TP53INP1: variants seen among roughly 807,000 people sequenced by gnomAD.
TP53INP1 encodes tumor protein p53 inducible nuclear protein 1.
TP53INP1 carries 12 observed loss-of-function variants against 21.0 expected under a neutral mutation model. That is an observed-to-expected ratio of 0.57 (90% CI 0.37 to 0.93). The LOEUF (loss-of-function observed/expected upper bound fraction) is 0.93. Among genes scored for constraint, TP53INP1 ranks in the 40% least tolerant of loss-of-function variants. The pLI is 0.01. For missense variants in TP53INP1, 274 were observed against 294.7 expected, an observed-to-expected ratio of 0.93 and a Z score of 0.51; for synonymous variants, 91 against 94.8, an observed-to-expected ratio of 0.96 and a Z score of 0.23.
chr8:94,941,644 G>A (rs1821545945), intron 1 of TP53INP1, among the ~76,000 whole-genome samples: 1 of 152,214 alleles, frequency 6.6e-6, no homozygotes, highest in South Asian at 2.1e-4. Context: ...AATTTACACT[G>A]TAGGAAACTG....
chr8:94,932,038 A>G (rs372004389), intron 3 of TP53INP1: 80 of 1,600,312 alleles, frequency 5.0e-5, no homozygotes, highest in Non-Finnish European at 6.6e-5. Context: ...ATGCATACAT[A>G]TATCACACAG....
At chr8:94,943,113 G>C (rs1032975778) in intron 1 of TP53INP1, among the ~76,000 whole-genome samples, 1 of 152,304 alleles carries the variant, frequency 6.6e-6, no homozygotes, top group Admixed American at 6.5e-5. Flanking sequence ...GCAGGATATA[G>C]AGCTTTGGAG....
At chr8:94,948,300 C>T (rs1455646642) in intron 1 of TP53INP1, among the ~76,000 whole-genome samples, 2 of 152,092 alleles carry the variant, frequency 1.3e-5, no homozygotes, top group Non-Finnish European at 2.9e-5. Context: ...CTCGGGTTTC[C>T]TATGTGTAAG....
intron 3 of TP53INP1, chr8:94,932,101 C>T (rs966112780): frequency 1.2e-6 from 2 of 1,610,006 alleles, no homozygotes; most frequent in African/African-American, 1.3e-5. Flanking sequence ...AGCAGCTTTT[C>T]CTGGCCCTAC....
In TP53INP1 at chr8:94,928,733, CTCTAA is replaced by C; in HGVS notation, c.*1741_*1745del. 1 of 152,360 alleles carries C rather than the reference CTCTAA, an allele frequency of 6.6e-6. No individual in the cohort carries two copies. Among genetic ancestry groups the C allele is most frequent in the East Asian group, 1.9e-4 (1 of 5,186 alleles). The allele number at this position is 152,360 out of a possible 1,614,324, so 9.4% of individuals were successfully genotyped here. On this transcript the variant is annotated 3_prime_UTR_variant, in exon 4 of 4. Transcript: ENST00000342697. Reference sequence around the variant, plus strand: ...CATTTGACGTCTTCCACTCCAAACGCTCTAATCTAGTCAGAAAAGAGCACAGCTCT... The same window carrying C: ...CATTTGACGTCTTCCACTCCAAACGCTCTAGTCAGAAAAGAGCACAGCTCT...
chr8:94,932,058 GAA>G (rs1820462501), intron 3 of TP53INP1: 1 of 1,607,904 alleles, frequency 6.2e-7, no homozygotes. Flanking sequence ...GTCTCAAAGT[GAA>G]TATACTTACT....
chr8:94,941,354 TAAG>T (rs1248855278), intron 1 of TP53INP1, among the ~76,000 whole-genome samples: 1 of 152,104 alleles, frequency 6.6e-6, no homozygotes, highest in Non-Finnish European at 1.5e-5. Context: ...GCTTTTATAA[TAAG>T]GTGAATTTGA....
At chr8:94,937,636 C>T (rs1821118803) in intron 3 of TP53INP1, among the ~76,000 whole-genome samples, 1 of 152,046 alleles carries the variant, frequency 6.6e-6, no homozygotes, top group South Asian at 2.1e-4. Context: ...TCCCACATCA[C>T]CTCATTTTTT....
At chr8:94,938,862 C>T (rs1250746890) in intron 3 of TP53INP1, among the ~76,000 whole-genome samples, 3 of 152,202 alleles carry the variant, frequency 2.0e-5, no homozygotes, top group African/African-American at 7.2e-5. Flanking sequence ...CACCAGTTTA[C>T]AGCTGGTTGG....
At chr8:94,948,827 C>T (rs1321195493) in intron 1 of TP53INP1, among the ~76,000 whole-genome samples, 1 of 152,052 alleles carries the variant, frequency 6.6e-6, no homozygotes, top group East Asian at 1.9e-4. Context: ...ACAAGCCACG[C>T]TCGGGGGAGG....
At chr8:94,933,765 A>G (rs1247274339) in intron 3 of TP53INP1, among the ~76,000 whole-genome samples, 3 of 149,040 alleles carry the variant, frequency 2.0e-5, no homozygotes, top group African/African-American at 7.5e-5. Flanking sequence ...ACTCTCTCAA[A>G]AAAAACCCCC....
At chr8:94,944,871 T>C (rs981401945) in intron 1 of TP53INP1, among the ~76,000 whole-genome samples, 1 of 152,148 alleles carries the variant, frequency 6.6e-6, no homozygotes, top group African/African-American at 2.4e-5. Context: ...CCCCACAAAC[T>C]TCTAGCACAA....
At chr8:94,943,136 G>T (rs570335384) in intron 1 of TP53INP1, among the ~76,000 whole-genome samples, 4 of 152,170 alleles carry the variant, frequency 2.6e-5, no homozygotes, top group African/African-American at 9.7e-5. Context: ...CAGGAGTGTG[G>T]TCTCAGCTAG....
chr8:94,930,684 A>T lies in TP53INP1; in HGVS notation c.518T>A (p.Val173Asp). ...AGTTGTATGAGCAGCAAGAGCTGCAACATAACAATGAATATGCTGCCCCAT... is the reference window on the plus strand; with the variant it reads ...AGTTGTATGAGCAGCAAGAGCTGCATCATAACAATGAATATGCTGCCCCAT... Reference protein sequence around the residue: ...NEMGQHIHCYVAALAAHTTFL... With the variant: ...NEMGQHIHCYDAALAAHTTFL... Residue 173 changes from valine to aspartate, a missense_variant, in exon 4 of 4, where the codon GTT becomes GAT. Coordinates refer to ENST00000342697, the MANE Select transcript of TP53INP1 (RefSeq NM_033285.4). 6.2e-7 allele frequency: 1 copy of T among 1,614,252 alleles called. No homozygotes were observed. The highest frequency in any genetic ancestry group is 8.5e-7 in the Non-Finnish European group (1 of 1,180,026).
chr8:94,931,845 G>A (rs1405996256), intron 3 of TP53INP1, among the ~76,000 whole-genome samples: 2 of 152,024 alleles, frequency 1.3e-5, no homozygotes, highest in African/African-American at 4.8e-5. Context: ...GGTGATGCAA[G>A]CCTGTAATCC....
intron 2 of TP53INP1, among the ~76,000 whole-genome samples, chr8:94,940,445 CTGTGTGTGTGTG>C (rs60473555): frequency 6.7e-6 from 1 of 150,358 alleles, no homozygotes; most frequent in Non-Finnish European, 1.5e-5. Context: ...CACAGAAATT[CTGTGTGTGTGTG>C]TGTGTGTGTG....
At chr8:94,930,883 G>A (rs1439873566) in intron 3 of TP53INP1, among the ~76,000 whole-genome samples, 155 bp from the exon 4 acceptor site, 1 of 152,192 alleles carries the variant, frequency 6.6e-6, no homozygotes, top group Non-Finnish European at 1.5e-5. Context: ...ATTATTCTGT[G>A]ACCCCACTGA....
At chr8:94,940,369 ATCT>A (rs1821412774) in intron 2 of TP53INP1, 149 bp from the exon 3 acceptor site, 5 of 892,726 alleles carry the variant, frequency 5.6e-6, no homozygotes, top group South Asian at 1.8e-5. Flanking sequence ...ATGCTCACGT[ATCT>A]TCTTTTATTT....
In TP53INP1 at chr8:94,931,896, T is replaced by G. The variant is rs550723222; in HGVS notation, c.474-1168A>C. Among the ~76,000 whole-genome samples the G allele has an allele frequency of 4.5e-3, 679 of 152,164 alleles. 5 individuals are homozygous for G. The highest frequency in any genetic ancestry group is 4.6e-3 in the Non-Finnish European group (315 of 67,986). On this transcript the variant is annotated intron_variant, in intron 3 of 3. Transcript: ENST00000342697. ...CTGAAACAAGAGAATCACTTGAATC[T>G]GGGGGGTGGAGGCTGCTGTGAGCCA...
Sources: gnomAD v4.1 joint callset for allele counts (sites outside exome capture counted in the v4.1 genomes callset) on GRCh38, gnomAD v4.1.1 for gene constraint, MANE v1.5 for transcripts, NCBI Gene and HGNC (gene_info 2026-07-23, HGNC 2026-07-21) for gene names.